ZFHX3: variants seen among roughly 807,000 people sequenced by gnomAD.
ZFHX3 encodes zinc finger homeobox 3.
In ZFHX3, 42 loss-of-function variants were observed where a neutral mutation model predicts 279.1. That is an observed-to-expected ratio of 0.15 (90% CI 0.12 to 0.19). The LOEUF (loss-of-function observed/expected upper bound fraction) is 0.19, where lower values mean the gene tolerates loss of function less well. Among genes scored for constraint, ZFHX3 ranks in the 10% least tolerant of loss-of-function variants. The probability of loss-of-function intolerance (pLI) is 1.00; values close to 1 mark genes in which losing one functional copy is unlikely to be tolerated. For synonymous variants in ZFHX3, 2,293 were observed against 1,957.8 expected (o/e 1.17, Z -4.52); for missense variants, 4,981 against 4,754.0 (o/e 1.05, Z -1.40).
intron 3 of ZFHX3, among the ~76,000 whole-genome samples, chr16:72,949,911 C>CTTTTT (rs774934563): frequency 5.3e-4 from 61 of 116,014 alleles, no homozygotes; most frequent in East Asian, 7.5e-4. Context: ...ATTTTCTTTT[C>CTTTTT]TTTTTTTTTT....
rs770675303 is a variant in ZFHX3 at position 72,794,404 on chromosome 16, T to C, written c.8278A>G (p.Met2760Val). The change falls in exon 9 of 10, where the codon ATG (methionine) becomes GTG (valine). Residue 2760 changes from methionine to valine, a missense_variant. By Grantham distance (21) the Met-to-Val change is conservative (BLOSUM62 1). This residue lies in a region of ZFHX3 where 744 missense variants were observed against 701.3 expected (regional missense o/e 1.06). Coordinates refer to ENST00000268489, the MANE Select transcript of ZFHX3 (RefSeq NM_006885.4). The surrounding 1 kb of genome is among the most constrained non-coding windows in gnomAD (Gnocchi z 4.2). ...GTTCCGTCAAAAATATCTCCTTTCA[T>C]CTGGAGTCCCCCATCACAGTCTAAG... The part of the protein sequence containing the change: ...MLLDCDGGLQ[M>V]KGDIFDGTSF... 2.5e-6 allele frequency: 4 copies of C among 1,609,568 alleles called. No homozygotes were observed. In the Admixed American group the frequency reaches 5.0e-5, roughly 20 times the overall value.
chr16:73,745,596 C>T (rs1205312083), intron 1 of ZFHX3, among the ~76,000 whole-genome samples: 1 of 152,160 alleles, frequency 6.6e-6, no homozygotes, highest in African/African-American at 2.4e-5. Flanking sequence ...AAACCAAATG[C>T]GTGTATAGCC....
chr16:73,003,784 C>T (rs909271812), intron 1 of ZFHX3, among the ~76,000 whole-genome samples: 2 of 151,664 alleles, frequency 1.3e-5, no homozygotes, highest in African/African-American at 4.8e-5. Flanking sequence ...ATGGTATGGT[C>T]AGAAATGCAG....
rs187036661 is a variant in ZFHX3, at chr16:73,155,680, G to A, written c.-1103-11849C>T. Among the ~76,000 whole-genome samples the A allele has an allele frequency of 3.1e-4, 47 of 152,074 alleles. No homozygotes were observed. In the South Asian group the frequency reaches 5.2e-3, roughly 17 times the overall value. ...TCTACTAAAAATTAAAAAATTAGCT[G>A]GGCATGGCGGCATGCGCATGTAACC... On this transcript the variant is annotated intron_variant, in intron 5 of 17. Transcript: ENST00000641206.
At chr16:73,463,927 G>C (rs923648636) in intron 2 of ZFHX3, among the ~76,000 whole-genome samples, 5 of 152,122 alleles carry the variant, frequency 3.3e-5, no homozygotes, top group African/African-American at 1.2e-4. Flanking sequence ...GCTCACTTTG[G>C]GGTCAGTGAA....
At chr16:73,634,981 C>T (rs1013670483) in intron 2 of ZFHX3, among the ~76,000 whole-genome samples, 1 of 152,086 alleles carries the variant, frequency 6.6e-6, no homozygotes, top group African/African-American at 2.4e-5. Flanking sequence ...ATAATATAAT[C>T]CATCTGCTTT....
intron 3 of ZFHX3, among the ~76,000 whole-genome samples, chr16:72,909,469 G>C (rs910778436): frequency 5.9e-5 from 9 of 152,100 alleles, no homozygotes; most frequent in Non-Finnish European, 7.4e-5. Flanking sequence ...CAATCATTTA[G>C]AAAAATCACG....
At chr16:73,863,661 A>G (rs1216875689) in intron 1 of ZFHX3, among the ~76,000 whole-genome samples, 1 of 152,176 alleles carries the variant, frequency 6.6e-6, no homozygotes, top group Non-Finnish European at 1.5e-5. Context: ...TTTCTATATC[A>G]TACGATGGTC....
At chr16:73,819,999 G>A (rs945638285) in intron 1 of ZFHX3, among the ~76,000 whole-genome samples, 3 of 152,208 alleles carry the variant, frequency 2.0e-5, no homozygotes, top group African/African-American at 7.2e-5. Context: ...CCCTTCATAA[G>A]GAGGTGAGGT....
At chr16:73,034,735 C>T (rs1964838909) in intron 1 of ZFHX3, among the ~76,000 whole-genome samples, 1 of 152,238 alleles carries the variant, frequency 6.6e-6, no homozygotes, top group Admixed American at 6.5e-5. Flanking sequence ...TGGCCCGTGC[C>T]TTGCTGCCAC....
At chr16:73,161,338 C>T (rs1377815929) in intron 5 of ZFHX3, among the ~76,000 whole-genome samples, 1 of 152,136 alleles carries the variant, frequency 6.6e-6, no homozygotes, top group African/African-American at 2.4e-5. Flanking sequence ...CCAACCACCT[C>T]GGATCATGGA....
At chr16:73,766,152 T>C (rs1464847867) in intron 1 of ZFHX3, among the ~76,000 whole-genome samples, 8 of 152,216 alleles carry the variant, frequency 5.3e-5, no homozygotes, top group Non-Finnish European at 1.0e-4. Flanking sequence ...TCTGTTCCAA[T>C]GTCACTTTAG....
At chr16:73,229,202 G>A (rs2012695894) in intron 5 of ZFHX3, among the ~76,000 whole-genome samples, 2 of 152,196 alleles carry the variant, frequency 1.3e-5, no homozygotes, top group South Asian at 4.2e-4. Context: ...AGCCCTCTCT[G>A]CTCACAGCAA....
intron 4 of ZFHX3, among the ~76,000 whole-genome samples, chr16:73,288,441 T>C (rs996627213): frequency 5.3e-5 from 8 of 152,100 alleles, no homozygotes; most frequent in African/African-American, 1.7e-4. Flanking sequence ...AGGGACGAGA[T>C]TGCACAGACC....
chr16:73,352,470 CTCTCTTTTTT>C (rs2016263160), intron 3 of ZFHX3, among the ~76,000 whole-genome samples: 1 of 124,392 alleles, frequency 8.0e-6, no homozygotes, highest in Non-Finnish European at 1.6e-5. Context: ...CTCTCTCTCT[CTCTCTTTTTT>C]TTTTTTTTTT....
At chr16:73,392,785 G>T (rs745591426) in intron 3 of ZFHX3, among the ~76,000 whole-genome samples, 75 of 152,126 alleles carry the variant, frequency 4.9e-4, no homozygotes, top group Non-Finnish European at 5.9e-5. Context: ...TCTAACAGAT[G>T]AAACGTCGAA....
At chr16:73,883,688 G>A (rs1289973819) in intron 1 of ZFHX3, among the ~76,000 whole-genome samples, 4 of 151,626 alleles carry the variant, frequency 2.6e-5, no homozygotes, top group East Asian at 1.9e-4. Flanking sequence ...GATTCCTTAG[G>A]GATTTCCTAA....
In ZFHX3 at chr16:73,515,462, T is replaced by C. The variant is rs556839395; in HGVS notation, c.-1546-59204A>G. Among the ~76,000 whole-genome samples, 491 of 120,038 alleles carry C rather than the reference T, an allele frequency of 4.1e-3. 6 individuals are homozygous for C. The highest frequency in any genetic ancestry group is 0.021 in the African/African-American group (474 of 22,174). The allele number at this position is 120,038 out of a possible 152,430, so 78.7% of individuals were successfully genotyped here. A position where few individuals can be genotyped will look rare whatever the true frequency, so the allele number is the denominator to read the frequency against. ...AGAAGAGAGAGGAGAAAGAGAGAGA[T>C]AGATAAGAGAGAGGAAAAAGAAGAA... On this transcript the variant is annotated intron_variant, in intron 2 of 17. Transcript: ENST00000641206.
At chr16:73,723,577 T>C (rs757241946) in intron 1 of ZFHX3, among the ~76,000 whole-genome samples, 11 of 152,078 alleles carry the variant, frequency 7.2e-5, no homozygotes, top group Non-Finnish European at 1.5e-4. Flanking sequence ...GAGAAGGATA[T>C]ACACCAAAAT....
Sources: allele counts gnomAD v4.1 joint callset (sites outside exome capture counted in the v4.1 genomes callset), GRCh38; gene constraint gnomAD v4.1.1; regional missense constraint gnomAD v4.1.1; non-coding constraint Gnocchi (gnomAD v3.1); transcripts MANE v1.5; gene names NCBI Gene and HGNC (gene_info 2026-07-23, HGNC 2026-07-21).